Variants in HIBADH observed in about 807,000 individuals in gnomAD.
HIBADH encodes 3-hydroxyisobutyrate dehydrogenase, mitochondrial.
A neutral mutation model predicts 36.1 loss-of-function variants in HIBADH; 25 were observed. That is an observed-to-expected ratio of 0.69 (90% CI 0.50 to 0.97). The LOEUF (loss-of-function observed/expected upper bound fraction) is 0.97, where lower values mean the gene tolerates loss of function less well. HIBADH is among the 50% of genes least tolerant of loss of function. The pLI is 0.00. For synonymous variants in HIBADH, 160 were observed against 149.5 expected (o/e 1.07, Z -0.51); for missense variants, 421 against 418.0 (o/e 1.01, Z -0.06).
intron 4 of HIBADH, among the ~76,000 whole-genome samples, chr7:27,555,926 A>G (rs1243948362): frequency 6.6e-6 from 1 of 152,172 alleles, no homozygotes; most frequent in Admixed American, 6.5e-5. Context: ...AGGGTAGCCA[A>G]CTGCATTTCT....
chr7:27,545,361 C>G (rs1477942491), intron 4 of HIBADH, among the ~76,000 whole-genome samples: 1 of 152,148 alleles, frequency 6.6e-6, no homozygotes, highest in Non-Finnish European at 1.5e-5. Context: ...TTGCTTGAAC[C>G]CAGAAGGTGG....
chr7:27,543,612 T>G (rs1784191258), intron 4 of HIBADH, among the ~76,000 whole-genome samples: 1 of 152,224 alleles, frequency 6.6e-6, no homozygotes, highest in Non-Finnish European at 1.5e-5. Context: ...TCTTTGTTCC[T>G]TAAACAAGTA....
chr7:27,649,176 A>G (rs1786130732), intron 2 of HIBADH: 1 of 224,908 alleles, frequency 4.4e-6, no homozygotes, highest in Admixed American at 5.6e-5. Flanking sequence ...CTTTAACAGC[A>G]CAATCAGTAA....
chr7:27,607,777 G>A (rs1785255235), intron 4 of HIBADH, among the ~76,000 whole-genome samples: 1 of 151,946 alleles, frequency 6.6e-6, no homozygotes, highest in African/African-American at 2.4e-5. Flanking sequence ...TAAGGTAAAG[G>A]GTTAATAAAA....
chr7:27,547,189 TG>T (rs1784246136), intron 4 of HIBADH, among the ~76,000 whole-genome samples: 1 of 152,166 alleles, frequency 6.6e-6, no homozygotes, highest in African/African-American at 2.4e-5. Flanking sequence ...TTGAAACAGG[TG>T]AAGTATGTTC....
intron 4 of HIBADH, among the ~76,000 whole-genome samples, chr7:27,553,888 G>A (rs985058502): frequency 2.6e-5 from 4 of 151,984 alleles, no homozygotes; most frequent in Admixed American, 6.6e-5. Flanking sequence ...TGCTCTTGTC[G>A]CCCAGGCTGT....
chr7:27,619,868 A>G (rs1165557064), intron 4 of HIBADH, among the ~76,000 whole-genome samples: 1 of 152,252 alleles, frequency 6.6e-6, no homozygotes, highest in Non-Finnish European at 1.5e-5. Context: ...ACCCACAGAG[A>G]AAGTGAAAAG....
At chr7:27,639,585 C>T (rs1048748053) in intron 2 of HIBADH, among the ~76,000 whole-genome samples, 7 of 152,128 alleles carry the variant, frequency 4.6e-5, no homozygotes, top group African/African-American at 1.7e-4. Flanking sequence ...ACCTCCGAAC[C>T]TAAAAGTTAA....
chr7:27,618,369 T>C (rs1326874601), intron 4 of HIBADH, among the ~76,000 whole-genome samples: 2 of 151,904 alleles, frequency 1.3e-5, no homozygotes, highest in African/African-American at 2.4e-5. Context: ...AAAAGCCTGG[T>C]AGCAACATGT....
chr7:27,607,109 G>A (rs1785242062), intron 4 of HIBADH, among the ~76,000 whole-genome samples: 3 of 152,148 alleles, frequency 2.0e-5, no homozygotes, highest in Admixed American at 2.0e-4. Flanking sequence ...TGTAAATGCC[G>A]AATCATGAAA....
chr7:27,581,946 C>G (rs1443739091), intron 4 of HIBADH, among the ~76,000 whole-genome samples: 1 of 151,950 alleles, frequency 6.6e-6, no homozygotes, highest in Non-Finnish European at 1.5e-5. Context: ...TAGTCCCCAA[C>G]TTCATTTAAA....
chr7:27,542,448 T>TG (rs1784167069), intron 5 of HIBADH, among the ~76,000 whole-genome samples: 1 of 140,438 alleles, frequency 7.1e-6, no homozygotes, highest in African/African-American at 2.7e-5. Flanking sequence ...GTTTTTTTTT[T>TG]TTTTTTTTTT....
rs371612321 is a variant in HIBADH at position 27,657,417 on chromosome 7, T to C, written c.91+5281A>G. Among the ~76,000 whole-genome samples, 9 of 152,254 alleles carry C rather than the reference T, an allele frequency of 5.9e-5. No homozygotes were observed. In the East Asian group the frequency reaches 1.4e-3, roughly 23 times the overall value. On this transcript the variant is annotated intron_variant, in intron 1 of 7. Transcript: ENST00000265395. Reference sequence around the variant, plus strand: ...CCAGGTGATGAGCATTATGTAACAGTATGTTTGTTAGAACAAGAATCACAG... The same window carrying C: ...CCAGGTGATGAGCATTATGTAACAGCATGTTTGTTAGAACAAGAATCACAG...
At chr7:27,659,728 A>G (rs1412834444) in intron 1 of HIBADH, among the ~76,000 whole-genome samples, 1 of 146,772 alleles carries the variant, frequency 6.8e-6, no homozygotes, top group Non-Finnish European at 1.5e-5. Context: ...CCCATCTCAA[A>G]TAAACAAACA....
chr7:27,601,133 T>A (rs182955221), intron 4 of HIBADH, among the ~76,000 whole-genome samples: 3 of 152,100 alleles, frequency 2.0e-5, no homozygotes, highest in Admixed American at 1.3e-4. Context: ...ATGATGAGTA[T>A]GGGCCGGTTG....
At chr7:27,611,067 CTT>C in intron 4 of HIBADH, among the ~76,000 whole-genome samples, 1 of 152,182 alleles carries the variant, frequency 6.6e-6, no homozygotes. Flanking sequence ...ATTACTAAAA[CTT>C]AACTCAGCCA....
At position 27,655,104 on chromosome 7, in the gene HIBADH, A is replaced by C. The variant is rs537817793; in HGVS notation, c.92-5471T>G. 2.0e-5 allele frequency among the ~76,000 whole-genome samples: 3 copies of C among 152,332 alleles called. No individual in the cohort carries two copies. The South Asian group carries it at 6.2e-4, about 32-fold the overall frequency. On this transcript the variant is annotated intron_variant, in intron 1 of 7. Coordinates refer to ENST00000265395, the MANE Select transcript of HIBADH (RefSeq NM_152740.4). ...TATATTGCTAATAAAGCTGTTTTTAAAAAGTCAGTATCATATATATAGAAA... is the reference window on the plus strand; with the variant it reads ...TATATTGCTAATAAAGCTGTTTTTACAAAGTCAGTATCATATATATAGAAA...
At chr7:27,539,041 T>C (rs1478915503) in intron 5 of HIBADH, among the ~76,000 whole-genome samples, 1 of 152,090 alleles carries the variant, frequency 6.6e-6, no homozygotes, top group Non-Finnish European at 1.5e-5. Context: ...GGTGAGAAAT[T>C]TGATCGTTAA....
At chr7:27,541,559 T>C (rs368006352) in intron 5 of HIBADH, among the ~76,000 whole-genome samples, 1 of 152,324 alleles carries the variant, frequency 6.6e-6, no homozygotes, top group East Asian at 1.9e-4. Flanking sequence ...TTGTTTACAA[T>C]GGTCCTTACA....
Sources: allele counts gnomAD v4.1 joint callset (sites outside exome capture counted in the v4.1 genomes callset), GRCh38; gene constraint gnomAD v4.1.1; transcripts MANE v1.5; gene names NCBI Gene and HGNC (gene_info 2026-07-23, HGNC 2026-07-21).